The following STK32B variants were observed in gnomAD, a reference collection of about 807,000 sequenced individuals.
STK32B encodes the protein serine/threonine-protein kinase 32B.
A neutral mutation model predicts 52.6 loss-of-function variants in STK32B; 43 were observed. That is an observed-to-expected ratio of 0.82 (90% confidence interval 0.64 to 1.05). STK32B has a LOEUF of 1.05. STK32B is among the 50% of genes least tolerant of loss of function. The pLI is 0.00. For synonymous variants in STK32B, 238 were observed against 204.3 expected (o/e 1.17, Z -1.41); for missense variants, 621 against 534.6 (o/e 1.16, Z -1.59).
At position 5,247,216 on chromosome 4, in the gene STK32B, T is replaced by G. The variant is rs914731970; in HGVS notation, c.260+78766T>G. 2.0e-5 allele frequency among the ~76,000 whole-genome samples: 3 copies of G among 152,194 alleles called. No individual in the cohort carries two copies. In the East Asian group the frequency reaches 5.8e-4, roughly 29 times the overall value. On this transcript the variant is annotated intron_variant, in intron 3 of 11. Coordinates refer to ENST00000282908, the MANE Select transcript of STK32B (RefSeq NM_018401.3). Reference sequence around the variant, plus strand: ...CAGGCCTCCTTGAGCTGTGGTCGGCTCCACCCAGTTTGAGCTTCCTGGCCG... The same window carrying G: ...CAGGCCTCCTTGAGCTGTGGTCGGCGCCACCCAGTTTGAGCTTCCTGGCCG...
intron 3 of STK32B, among the ~76,000 whole-genome samples, chr4:5,196,583 T>TGGTG (rs1302327095): frequency 1.3e-5 from 2 of 151,752 alleles, no homozygotes; most frequent in African/African-American, 2.4e-5. Flanking sequence ...TAGCTGGGCA[T>TGGTG]GGTGGCGCAC....
chr4:5,474,104 A>G (rs1718048403), intron 11 of STK32B, among the ~76,000 whole-genome samples: 1 of 151,610 alleles, frequency 6.6e-6, no homozygotes, highest in Non-Finnish European at 1.5e-5. Flanking sequence ...ACAGAGCGAG[A>G]CTCTGTCTCA....
chr4:5,083,892 C>T (rs1712573872), intron 1 of STK32B, among the ~76,000 whole-genome samples: 1 of 152,096 alleles, frequency 6.6e-6, no homozygotes. Flanking sequence ...CCCGCCACCA[C>T]ATCTGGCTAA....
At chr4:5,428,922 G>A (rs907195893) in intron 6 of STK32B, among the ~76,000 whole-genome samples, 2 of 152,130 alleles carry the variant, frequency 1.3e-5, no homozygotes, top group African/African-American at 4.8e-5. Flanking sequence ...CCTTTGGTTA[G>A]TGTTTACATG....
rs1455625517 is a variant in STK32B at position 5,466,790 on chromosome 4, G to A, written c.997G>A (p.Ala333Thr). 1.2e-6 allele frequency: 2 copies of A among 1,613,848 alleles called. No homozygotes were observed. Among genetic ancestry groups the A allele is most frequent in the East Asian group, 2.2e-5 (1 of 44,880 alleles). ...ACTTCACAAAAAGAAGAAGCGATTG[G>A]CAAAGAACAGATCCAGGGATGGCAC... ...KPLHKKKKRL[A>T]KNRSRDGTKD... Residue 333 changes from alanine (A) to threonine (T), a missense_variant, in exon 10 of 12, where the codon GCA becomes ACA. Ala to Thr is a moderately conservative substitution (Grantham distance 58). Coordinates refer to ENST00000282908, the MANE Select transcript of STK32B (RefSeq NM_018401.3).
chr4:5,305,943 T>C (rs1243454569), intron 3 of STK32B, among the ~76,000 whole-genome samples: 2 of 152,158 alleles, frequency 1.3e-5, no homozygotes, highest in Non-Finnish European at 2.9e-5. Context: ...TAAATTCCCA[T>C]CTTGATTTCA....
chr4:5,130,782 C>T (rs1048858985), intron 1 of STK32B, among the ~76,000 whole-genome samples: 6 of 152,142 alleles, frequency 3.9e-5, no homozygotes, highest in African/African-American at 7.2e-5. Context: ...CCTTCCTCCA[C>T]CCTGCCCCAC....
At chr4:5,449,359 T>C (rs1228624282) in intron 7 of STK32B, among the ~76,000 whole-genome samples, 2 of 152,150 alleles carry the variant, frequency 1.3e-5, no homozygotes, top group African/African-American at 4.8e-5. Flanking sequence ...AAAAAGGTTA[T>C]AGTGGGAATT....
At chr4:5,040,747 A>G in the STK32B span, among the ~76,000 whole-genome samples, 15 of 152,086 alleles carry the variant, frequency 9.9e-5, no homozygotes, top group Non-Finnish European at 1.5e-4. Flanking sequence ...GGCTACCTCA[A>G]TATAGTCAGA....
At chr4:5,292,012 C>T (rs1728923354) in intron 3 of STK32B, among the ~76,000 whole-genome samples, 2 of 152,036 alleles carry the variant, frequency 1.3e-5, no homozygotes, top group Non-Finnish European at 2.9e-5. Flanking sequence ...TTATTCAGTC[C>T]ACCACTGATA....
chr4:5,301,340 T>C (rs1577314365), intron 3 of STK32B, among the ~76,000 whole-genome samples: 1 of 152,232 alleles, frequency 6.6e-6, no homozygotes, highest in East Asian at 1.9e-4. Flanking sequence ...TGCAGAAGAT[T>C]GTTATTAGCT....
At chr4:5,281,916 A>G (rs909907508) in intron 3 of STK32B, among the ~76,000 whole-genome samples, 3 of 152,144 alleles carry the variant, frequency 2.0e-5, no homozygotes, top group Non-Finnish European at 2.9e-5. Context: ...TATTTTTTCT[A>G]TTCTTTGAAA....
chr4:5,236,240 C>T (rs1418324315), intron 3 of STK32B, among the ~76,000 whole-genome samples: 1 of 152,186 alleles, frequency 6.6e-6, no homozygotes, highest in African/African-American at 2.4e-5. Flanking sequence ...TTCTGAACTT[C>T]ACACCTTCCA....
intron 2 of STK32B, among the ~76,000 whole-genome samples, chr4:5,166,211 C>T (rs1455792131): frequency 1.3e-5 from 2 of 151,908 alleles, no homozygotes; most frequent in African/African-American, 4.8e-5. Context: ...TTATTGCCGG[C>T]GTGTCCCATT....
At chr4:5,181,008 A>G (rs1370051803) in intron 3 of STK32B, among the ~76,000 whole-genome samples, 6 of 152,140 alleles carry the variant, frequency 3.9e-5, no homozygotes, top group Admixed American at 1.3e-4. Context: ...AGGGTGTCCC[A>G]TGAGTGGGAG....
At chr4:5,253,114 A>G (rs1726054374) in intron 3 of STK32B, among the ~76,000 whole-genome samples, 1 of 151,954 alleles carries the variant, frequency 6.6e-6, no homozygotes, top group African/African-American at 2.4e-5. Flanking sequence ...ACTCTTTCCA[A>G]TGCTGTCTTC....
At chr4:5,333,140 C>T (rs965526817) in intron 4 of STK32B, among the ~76,000 whole-genome samples, 8 of 152,112 alleles carry the variant, frequency 5.3e-5, no homozygotes, top group Admixed American at 3.3e-4. Flanking sequence ...TATTTCTCCA[C>T]ATCCTCTCCA....
At chr4:5,020,422 C>A in the STK32B span, among the ~76,000 whole-genome samples, 161 of 152,324 alleles carry the variant, frequency 1.1e-3, no homozygotes, top group African/African-American at 3.6e-3. Flanking sequence ...TCATGCCAGG[C>A]CCATTGTGTG....
intron 3 of STK32B, among the ~76,000 whole-genome samples, chr4:5,238,883 G>A (rs539654546): frequency 6.6e-6 from 1 of 152,292 alleles, no homozygotes; most frequent in Non-Finnish European, 1.5e-5. Flanking sequence ...CTATGGATGA[G>A]AAAACAATTT....
Sources: gnomAD v4.1 joint callset for allele counts (sites outside exome capture counted in the v4.1 genomes callset) on GRCh38, gnomAD v4.1.1 for gene constraint, MANE v1.5 for transcripts, NCBI Gene and HGNC (gene_info 2026-07-23, HGNC 2026-07-21) for gene names.